PRMT3: variants seen among roughly 807,000 people sequenced by gnomAD.
The protein encoded by PRMT3 is protein arginine methyltransferase 3, also known as protein arginine N-methyltransferase 3.
PRMT3 carries 62 observed loss-of-function variants against 71.9 expected under a neutral mutation model. That is an observed-to-expected ratio of 0.86 (90% CI 0.70 to 1.07). The LOEUF is 1.07. PRMT3 is among the 50% of genes least tolerant of loss of function. The pLI, the probability that PRMT3 is intolerant of heterozygous loss-of-function variation, is 0.00. For missense variants in PRMT3, 663 were observed against 643.0 expected (o/e 1.03, Z -0.34); for synonymous variants, 213 against 220.4 (o/e 0.97, Z 0.30).
chr11:20,402,749 G>T (rs1848977778), intron 7 of PRMT3, among the ~76,000 whole-genome samples, 170 bp from the exon 8 acceptor site: 1 of 152,052 alleles, frequency 6.6e-6, no homozygotes, highest in Non-Finnish European at 1.5e-5. Flanking sequence ...GTGTGTTGTT[G>T]CTATTTCTAT....
At chr11:20,417,727 A>G (rs1370568518) in intron 9 of PRMT3, among the ~76,000 whole-genome samples, 1 of 152,048 alleles carries the variant, frequency 6.6e-6, no homozygotes, top group Non-Finnish European at 1.5e-5. Context: ...TGCTCTAGTC[A>G]TACTAAACTG....
intron 10 of PRMT3, among the ~76,000 whole-genome samples, chr11:20,444,451 T>G (rs7101539): frequency 6.6e-6 from 1 of 152,068 alleles, no homozygotes; most frequent in Non-Finnish European, 1.5e-5. Flanking sequence ...ATGACTGTTA[T>G]AGCTGCATCC....
chr11:20,411,861 A>G (rs539377740), intron 9 of PRMT3, among the ~76,000 whole-genome samples: 1 of 152,292 alleles, frequency 6.6e-6, no homozygotes, highest in South Asian at 2.1e-4. Flanking sequence ...ATTATACAGC[A>G]GGTTCACAGT....
At chr11:20,416,753 A>G (rs1449791665) in intron 9 of PRMT3, among the ~76,000 whole-genome samples, 3 of 152,152 alleles carry the variant, frequency 2.0e-5, no homozygotes, top group Non-Finnish European at 2.9e-5. Context: ...AAGATGATAC[A>G]TTTGGGAGGG....
At chr11:20,479,727 G>A (rs1484845297) in intron 13 of PRMT3, among the ~76,000 whole-genome samples, 1 of 152,122 alleles carries the variant, frequency 6.6e-6, no homozygotes, top group Non-Finnish European at 1.5e-5. Flanking sequence ...CGAGGCAAAA[G>A]TACTGCACTG....
intron 10 of PRMT3, among the ~76,000 whole-genome samples, chr11:20,441,367 G>A (rs1014953491): frequency 7.9e-5 from 12 of 151,186 alleles, no homozygotes; most frequent in Admixed American, 2.0e-4. Context: ...GTGCAGTGGC[G>A]CAATCTCGGC....
At chr11:20,490,243 GA>G (rs751425572) in intron 13 of PRMT3, among the ~76,000 whole-genome samples, 10 of 152,036 alleles carry the variant, frequency 6.6e-5, no homozygotes, top group Non-Finnish European at 1.5e-4. Flanking sequence ...AACCTCATTA[GA>G]AATGTGACTG....
chr11:20,391,685 T>G (rs1331444417), intron 3 of PRMT3, among the ~76,000 whole-genome samples: 5 of 152,190 alleles, frequency 3.3e-5, no homozygotes, highest in Non-Finnish European at 7.3e-5. Context: ...GACAAATAAT[T>G]GGTTGGTTGG....
chr11:20,491,210 T>G (rs1851198374), intron 13 of PRMT3, among the ~76,000 whole-genome samples: 1 of 152,200 alleles, frequency 6.6e-6, no homozygotes, highest in Non-Finnish European at 1.5e-5. Flanking sequence ...GTTTCTCTGC[T>G]GAGAATTTCT....
At chr11:20,481,482 T>C (rs987003006) in intron 13 of PRMT3, among the ~76,000 whole-genome samples, 1 of 152,102 alleles carries the variant, frequency 6.6e-6, no homozygotes, top group Non-Finnish European at 1.5e-5. Flanking sequence ...CTATAAGCCA[T>C]CTACTTCATC....
intron 15 of PRMT3, among the ~76,000 whole-genome samples, chr11:20,497,562 T>A (rs1014982246): frequency 1.3e-5 from 2 of 152,210 alleles, no homozygotes; most frequent in Non-Finnish European, 2.9e-5. Context: ...GCCTTTGATG[T>A]TAGCCTTGAT....
chr11:20,508,139 G>C (rs1851637309), intron 15 of PRMT3, among the ~76,000 whole-genome samples, 165 bp from the exon 16 acceptor site: 1 of 110,348 alleles, frequency 9.1e-6, no homozygotes, highest in South Asian at 3.5e-4. Flanking sequence ...GACAGAGTGA[G>C]ACTCCATCTT....
chr11:20,429,978 T>C (rs938616694), intron 10 of PRMT3, among the ~76,000 whole-genome samples: 1 of 152,138 alleles, frequency 6.6e-6, no homozygotes, highest in Non-Finnish European at 1.5e-5. Context: ...CTGGAAAACA[T>C]CAATTACATA....
rs1850883251 is a variant in PRMT3, at chr11:20,479,675, T to G, written c.1348-14244T>G. On this transcript the variant is annotated intron_variant, in intron 13 of 15. Transcript: ENST00000331079. ...TATGTTTGAAATTTTTGATAGTATT[T>G]TTTTAAAGAATCTCACAACAATAAG... 9.2e-5 allele frequency among the ~76,000 whole-genome samples: 14 copies of G among 152,296 alleles called. No homozygotes were observed. In the South Asian group the frequency reaches 2.9e-3, roughly 32 times the overall value.
chr11:20,412,139 A>C (rs541278044), intron 9 of PRMT3, among the ~76,000 whole-genome samples: 2 of 151,534 alleles, frequency 1.3e-5, no homozygotes, highest in East Asian at 3.9e-4. Flanking sequence ...CTCAATTCCT[A>C]GTTTTCTTTT....
intron 6 of PRMT3, among the ~76,000 whole-genome samples, chr11:20,396,522 C>G (rs1191626907): frequency 6.6e-6 from 1 of 152,020 alleles, no homozygotes; most frequent in Non-Finnish European, 1.5e-5. Flanking sequence ...CCTGTAATCC[C>G]AGCTACCTGG....
intron 10 of PRMT3, among the ~76,000 whole-genome samples, chr11:20,446,931 A>G (rs1850043990): frequency 6.6e-6 from 1 of 152,160 alleles, no homozygotes; most frequent in Admixed American, 6.5e-5. Context: ...AAAGTATCTT[A>G]CCCAAAAGGA....
chr11:20,427,736 ATG>A (rs948241413), intron 10 of PRMT3, among the ~76,000 whole-genome samples: 1 of 152,200 alleles, frequency 6.6e-6, no homozygotes, highest in African/African-American at 2.4e-5. Flanking sequence ...GAAAAAAAAA[ATG>A]TATTTGACAG....
intron 8 of PRMT3, among the ~76,000 whole-genome samples, chr11:20,404,584 G>A (rs572254477): frequency 1.3e-5 from 2 of 152,136 alleles, no homozygotes; most frequent in Admixed American, 6.5e-5. Context: ...TTTAATGTTT[G>A]TCTAAAAACC....
Sources: allele counts gnomAD v4.1 joint callset (sites outside exome capture counted in the v4.1 genomes callset), GRCh38; gene constraint gnomAD v4.1.1; transcripts MANE v1.5; gene names NCBI Gene and HGNC (gene_info 2026-07-23, HGNC 2026-07-21).